ENTREP2: variants seen among roughly 807,000 people sequenced by gnomAD.
ENTREP2 encodes the protein protein ENTREP2.
At chr15:29,148,936 GCA>G in the ENTREP2 span, among the ~76,000 whole-genome samples, 1 of 151,630 alleles carries the variant, frequency 6.6e-6, no homozygotes, top group African/African-American at 2.4e-5. Flanking sequence ...TAGTGCAATG[GCA>G]CAGTCTTGGC....
chr15:29,638,844 G>A, the ENTREP2 span, among the ~76,000 whole-genome samples: 22 of 152,192 alleles, frequency 1.4e-4, no homozygotes, highest in Admixed American at 1.3e-3. Flanking sequence ...AGATTGCCTT[G>A]TCGATTCTCC....
At chr15:29,328,869 T>C in the ENTREP2 span, among the ~76,000 whole-genome samples, 8,220 of 152,142 alleles carry the variant, frequency 0.054, 290 homozygotes, top group South Asian at 0.093. Flanking sequence ...TACAGGTATA[T>C]ACATGTGTTG....
the ENTREP2 span, among the ~76,000 whole-genome samples, chr15:29,646,557 C>A: frequency 6.6e-6 from 1 of 152,132 alleles, no homozygotes. Flanking sequence ...TTCTACCTGC[C>A]TCTTCTCCCA....
chr15:29,363,553 T>C, the ENTREP2 span, among the ~76,000 whole-genome samples: 2 of 152,144 alleles, frequency 1.3e-5, no homozygotes, highest in South Asian at 2.1e-4. Context: ...CTTTCTTACA[T>C]TGAAAAATGA....
chr15:29,193,688 G>T, the ENTREP2 span, among the ~76,000 whole-genome samples: 1 of 152,162 alleles, frequency 6.6e-6, no homozygotes, highest in African/African-American at 2.4e-5. Context: ...GCTCTGTCTG[G>T]AGAATGGAAG....
At chr15:29,667,549 T>C in the ENTREP2 span, among the ~76,000 whole-genome samples, 1 of 136,272 alleles carries the variant, frequency 7.3e-6, no homozygotes, top group African/African-American at 2.8e-5. Flanking sequence ...TAGAGTGCAA[T>C]GGCGTGTGGT....
the ENTREP2 span, among the ~76,000 whole-genome samples, chr15:29,384,126 G>A: frequency 1.3e-5 from 2 of 152,178 alleles, no homozygotes; most frequent in African/African-American, 4.8e-5. Context: ...ATGTTCCCAT[G>A]TCATTTCACA....
the ENTREP2 span, among the ~76,000 whole-genome samples, chr15:29,338,396 A>G: frequency 6.7e-6 from 1 of 149,374 alleles, no homozygotes; most frequent in East Asian, 2.0e-4. Flanking sequence ...ACTGCACTCC[A>G]GCCTGGGTAA....
At chr15:29,485,705 A>G in the ENTREP2 span, among the ~76,000 whole-genome samples, 1 of 152,248 alleles carries the variant, frequency 6.6e-6, no homozygotes, top group Admixed American at 6.5e-5. Context: ...AAGGATCTGA[A>G]TAGACATTTT....
chr15:29,669,850 A>G, the ENTREP2 span, among the ~76,000 whole-genome samples: 2 of 152,184 alleles, frequency 1.3e-5, no homozygotes, highest in African/African-American at 4.8e-5. Context: ...CTATTACCAT[A>G]AATAACGAAG....
At chr15:29,221,272 G>A in the ENTREP2 span, among the ~76,000 whole-genome samples, 2 of 151,924 alleles carry the variant, frequency 1.3e-5, no homozygotes, top group East Asian at 1.9e-4. Flanking sequence ...CACAATCTTG[G>A]CTCACTGCAA....
the ENTREP2 span, among the ~76,000 whole-genome samples, chr15:29,217,024 A>AG: frequency 1.6e-3 from 239 of 152,310 alleles, 1 homozygote; most frequent in Middle Eastern, 6.8e-3. Context: ...GGGTCTAGTT[A>AG]AAACAATTTT....
the ENTREP2 span, among the ~76,000 whole-genome samples, chr15:29,199,605 T>G: frequency 2.0e-5 from 3 of 152,202 alleles, no homozygotes; most frequent in African/African-American, 4.8e-5. Context: ...TAAAACAATT[T>G]TAACTCAGCA....
At chr15:29,219,282 G>T in the ENTREP2 span, among the ~76,000 whole-genome samples, 1 of 152,048 alleles carries the variant, frequency 6.6e-6, no homozygotes, top group Non-Finnish European at 1.5e-5. Context: ...ACTCCTGCAA[G>T]AATGGCCATA....
At chr15:29,259,617 T>G in the ENTREP2 span, among the ~76,000 whole-genome samples, 1 of 152,222 alleles carries the variant, frequency 6.6e-6, no homozygotes, top group East Asian at 1.9e-4. Flanking sequence ...TTTCACTTCC[T>G]TGACTTTACT....
the ENTREP2 span, among the ~76,000 whole-genome samples, chr15:29,357,237 A>G: frequency 1.3e-5 from 2 of 151,652 alleles, no homozygotes; most frequent in African/African-American, 2.4e-5. Context: ...TGTAGGGGAG[A>G]AAAAAAAAGA....
At chr15:29,138,689 ATG>A in the ENTREP2 span, among the ~76,000 whole-genome samples, 2 of 116,044 alleles carry the variant, frequency 1.7e-5, no homozygotes, top group South Asian at 2.6e-4. Context: ...GTGTATGTGT[ATG>A]TGTGTGTATG....
the ENTREP2 span, among the ~76,000 whole-genome samples, chr15:29,507,875 T>C: frequency 3.3e-5 from 5 of 152,024 alleles, no homozygotes; most frequent in Admixed American, 2.6e-4. Context: ...ATTCAAAAGC[T>C]AGCAGAAGAC....
the ENTREP2 span, chr15:29,269,796 G>A: frequency 4.0e-6 from 5 of 1,247,724 alleles, no homozygotes; most frequent in Non-Finnish European, 5.3e-6. Context: ...CCGGTGCCTG[G>A]AGGCGCGCGC....
Sources: gnomAD v4.1 joint callset for allele counts (sites outside exome capture counted in the v4.1 genomes callset) on GRCh38, gnomAD v4.1.1 for gene constraint, MANE v1.5 for transcripts, NCBI Gene and HGNC (gene_info 2026-07-23, HGNC 2026-07-21) for gene names.